PALS2: variants seen among roughly 807,000 people sequenced by gnomAD.
PALS2 encodes protein associated with LIN7 2, MAGUK p55 family member, also known as protein PALS2.
In PALS2, 27 loss-of-function variants were observed where a neutral mutation model predicts 61.6. The ratio of observed to expected loss-of-function variants is 0.44; its 90% CI spans 0.32 to 0.60. The LOEUF (loss-of-function observed/expected upper bound fraction) is 0.60. Ranked by LOEUF, PALS2 falls within the 20% of genes least tolerant of loss-of-function variation. The pLI is 0.05. For synonymous variants in PALS2, 236 were observed against 218.6 expected, an observed-to-expected ratio of 1.08 and a Z score of -0.70; for missense variants, 554 against 639.4, an observed-to-expected ratio of 0.87 and a Z score of 1.44.
chr7:24,589,798 A>G (rs1414504047), intron 1 of PALS2, among the ~76,000 whole-genome samples: 1 of 152,196 alleles, frequency 6.6e-6, no homozygotes, highest in East Asian at 1.9e-4. Flanking sequence ...AAAGGTTTCT[A>G]TCCCTACTCT....
chr7:24,576,225 G>A (rs1782637458), intron 1 of PALS2, among the ~76,000 whole-genome samples: 2 of 152,178 alleles, frequency 1.3e-5, no homozygotes, highest in South Asian at 4.1e-4. Flanking sequence ...CTGATATGGT[G>A]CTAGTATTGA....
chr7:24,592,920 G>C (rs758975641), intron 1 of PALS2, among the ~76,000 whole-genome samples: 4 of 152,158 alleles, frequency 2.6e-5, no homozygotes, highest in Middle Eastern at 3.4e-3. Context: ...TGGAGTGGCT[G>C]TGGTAATTTC....
At chr7:24,587,989 G>A (rs1238934176) in intron 1 of PALS2, among the ~76,000 whole-genome samples, 1 of 152,136 alleles carries the variant, frequency 6.6e-6, no homozygotes, top group African/African-American at 2.4e-5. Context: ...GGGACATTTG[G>A]TAATATTTGA....
intron 11 of PALS2, among the ~76,000 whole-genome samples, chr7:24,681,925 T>G (rs1448703208): frequency 6.6e-6 from 1 of 152,190 alleles, no homozygotes; most frequent in Non-Finnish European, 1.5e-5. Flanking sequence ...TGAAACATAG[T>G]GTTTAATGTC....
chr7:24,653,660 ACATT>A (rs1274083677), intron 5 of PALS2, among the ~76,000 whole-genome samples: 2 of 152,198 alleles, frequency 1.3e-5, no homozygotes, highest in African/African-American at 2.4e-5. Flanking sequence ...GATACAGCAA[ACATT>A]ATCTGTTAAA....
chr7:24,628,928 T>C (rs1178617309), intron 2 of PALS2, among the ~76,000 whole-genome samples: 2 of 152,128 alleles, frequency 1.3e-5, no homozygotes, highest in Admixed American at 6.5e-5. Context: ...AAGTAATATA[T>C]AATCTCAATG....
intron 2 of PALS2, among the ~76,000 whole-genome samples, chr7:24,624,434 A>G (rs1479064049): frequency 6.6e-6 from 1 of 151,986 alleles, no homozygotes; most frequent in Non-Finnish European, 1.5e-5. Context: ...TCTTTTCTTC[A>G]TAGAGCCATC....
intron 2 of PALS2, among the ~76,000 whole-genome samples, chr7:24,633,023 TC>T (rs1400421264): frequency 6.6e-6 from 1 of 152,172 alleles, no homozygotes; most frequent in Admixed American, 6.5e-5. Context: ...CTGTTTCCTG[TC>T]CCATATAATA....
intron 1 of PALS2, among the ~76,000 whole-genome samples, chr7:24,613,783 CT>C (rs1290668684): frequency 2.6e-5 from 4 of 151,830 alleles, no homozygotes; most frequent in Non-Finnish European, 5.9e-5. Flanking sequence ...CTCTGTTCTA[CT>C]TTCTACTTCT....
Position 24,669,630 on chromosome 7 carries a change from T to C in PALS2, c.1114+970T>C, listed in dbSNP as rs116122550. On this transcript the variant is annotated intron_variant, in intron 9 of 11. Coordinates refer to ENST00000222644, the MANE Select transcript of PALS2 (RefSeq NM_001303037.2). ...AAATCCTAGGCTAACTTTAACCCTA[T>C]CTCTTTTAATTGAATTTTAGAGTTT... Among the ~76,000 whole-genome samples, 789 of 152,294 alleles carry C rather than the reference T, an allele frequency of 5.2e-3. 7 individuals are homozygous for C. The highest frequency in any genetic ancestry group is 0.017 in the African/African-American group (721 of 41,558).
intron 1 of PALS2, among the ~76,000 whole-genome samples, chr7:24,612,198 A>C (rs373766208): frequency 1.3e-5 from 2 of 151,894 alleles, no homozygotes; most frequent in African/African-American, 4.8e-5. Context: ...AAAGAATATA[A>C]ACTCAGGTAG....
chr7:24,614,947 C>T (rs796399310), intron 1 of PALS2, among the ~76,000 whole-genome samples: 48 of 152,056 alleles, frequency 3.2e-4, no homozygotes, highest in African/African-American at 1.1e-3. Context: ...TATCAAGTAT[C>T]TTATCTGACC....
chr7:24,656,730 G>A (rs1481337584), intron 5 of PALS2, among the ~76,000 whole-genome samples: 1 of 151,620 alleles, frequency 6.6e-6, no homozygotes, highest in African/African-American at 2.4e-5. Context: ...ACAGGGTTTC[G>A]CTACATTGTC....
chr7:24,606,961 T>C (rs1333464854), intron 1 of PALS2, among the ~76,000 whole-genome samples: 2 of 152,188 alleles, frequency 1.3e-5, no homozygotes, highest in Admixed American at 1.3e-4. Flanking sequence ...TTTAATTTTG[T>C]GCATGAAACA....
At chr7:24,587,868 GA>G (rs1783133037) in intron 1 of PALS2, among the ~76,000 whole-genome samples, 1 of 152,196 alleles carries the variant, frequency 6.6e-6, no homozygotes, top group Admixed American at 6.5e-5. Flanking sequence ...AGGTGAGCAA[GA>G]AAAGTGGAGT....
intron 9 of PALS2, among the ~76,000 whole-genome samples, chr7:24,677,888 T>G (rs533655529): frequency 6.6e-6 from 1 of 152,340 alleles, no homozygotes; most frequent in East Asian, 1.9e-4. Flanking sequence ...TGATCTCATT[T>G]GACCCTTATT....
At chr7:24,587,664 A>C (rs1248150655) in intron 1 of PALS2, among the ~76,000 whole-genome samples, 2 of 152,072 alleles carry the variant, frequency 1.3e-5, no homozygotes, top group East Asian at 3.9e-4. Flanking sequence ...GGCATGAGCC[A>C]CCATGCTAAG....
At chr7:24,645,765 C>T (rs981987452) in intron 3 of PALS2, among the ~76,000 whole-genome samples, 20 of 152,070 alleles carry the variant, frequency 1.3e-4, no homozygotes, top group African/African-American at 4.8e-4. Context: ...GATGTTTCTC[C>T]ATTTGTTTGT....
chr7:24,641,263 A>G (rs1283473690), intron 2 of PALS2, among the ~76,000 whole-genome samples: 1 of 151,918 alleles, frequency 6.6e-6, no homozygotes, highest in Non-Finnish European at 1.5e-5. Context: ...TTCCAAAATT[A>G]TTTTTATCAT....
Sources: allele counts gnomAD v4.1 joint callset (sites outside exome capture counted in the v4.1 genomes callset), GRCh38; gene constraint gnomAD v4.1.1; transcripts MANE v1.5; gene names NCBI Gene and HGNC (gene_info 2026-07-23, HGNC 2026-07-21).